The following TACR1 variants were observed in gnomAD, a reference collection of about 807,000 sequenced individuals.
TACR1 encodes substance-P receptor.
Under a neutral mutation model 35.8 loss-of-function variants are expected in TACR1, and 25 were observed. The ratio of observed to expected loss-of-function variants is 0.70; its 90% confidence interval spans 0.51 to 0.98. The LOEUF (loss-of-function observed/expected upper bound fraction) is 0.98. Among genes scored for constraint, TACR1 ranks in the 50% least tolerant of loss-of-function variants. The pLI is 0.00. For missense variants in TACR1, 478 were observed against 522.9 expected (o/e 0.91, Z 0.84); for synonymous variants, 195 against 206.7 (o/e 0.94, Z 0.48).
intron 2 of TACR1, among the ~76,000 whole-genome samples, chr2:75,107,145 A>G (rs1186049070): frequency 6.6e-6 from 1 of 151,996 alleles, no homozygotes; most frequent in Non-Finnish European, 1.5e-5. Context: ...GCAAAAAAGC[A>G]CTAAATAGAG....
intron 2 of TACR1, among the ~76,000 whole-genome samples, chr2:75,068,618 A>C (rs1672815261): frequency 6.6e-6 from 1 of 152,214 alleles, no homozygotes; most frequent in Admixed American, 6.5e-5. Context: ...AATTCTTTAC[A>C]TATATAACCT....
intron 1 of TACR1, chr2:75,188,740 GT>G (rs1401465211): frequency 1.3e-5 from 2 of 152,230 alleles, no homozygotes; most frequent in Non-Finnish European, 2.9e-5. Flanking sequence ...GTACTAGGTG[GT>G]TTTCAGGCTC....
At chr2:75,136,276 G>A (rs1674288074) in intron 1 of TACR1, among the ~76,000 whole-genome samples, 1 of 152,140 alleles carries the variant, frequency 6.6e-6, no homozygotes, top group Non-Finnish European at 1.5e-5. Flanking sequence ...GAAGTCCAAG[G>A]GGCTTGACCC....
intron 1 of TACR1, chr2:75,156,162 G>T (rs750146957): frequency 6.6e-6 from 1 of 152,136 alleles, no homozygotes; most frequent in Admixed American, 6.5e-5. Context: ...AATTATTGTG[G>T]TGGGTCCTCG....
At chr2:75,112,219 G>T (rs1673765745) in intron 2 of TACR1, among the ~76,000 whole-genome samples, 1 of 151,886 alleles carries the variant, frequency 6.6e-6, no homozygotes, top group Non-Finnish European at 1.5e-5. Context: ...TTTATTAAAT[G>T]ATTCTACCCC....
chr2:75,156,819 CTG>C (rs1674870956), intron 1 of TACR1, among the ~76,000 whole-genome samples: 1 of 152,204 alleles, frequency 6.6e-6, no homozygotes, highest in African/African-American at 2.4e-5. Context: ...CTGTTTCAAT[CTG>C]TCTTTCTACA....
chr2:75,093,569 G>T (rs965588006), intron 2 of TACR1, among the ~76,000 whole-genome samples: 1 of 152,144 alleles, frequency 6.6e-6, no homozygotes, highest in Non-Finnish European at 1.5e-5. Context: ...GGAGTCTGCA[G>T]CCCCTGAGCC....
At chr2:75,147,747 T>TTTC in intron 1 of TACR1, among the ~76,000 whole-genome samples, 1 of 42,974 alleles carries the variant, frequency 2.3e-5, no homozygotes, top group East Asian at 2.5e-4. Flanking sequence ...ATCTCATTCC[T>TTTC]TTTTTTTTTT....
intron 1 of TACR1, among the ~76,000 whole-genome samples, chr2:75,172,070 A>G (rs1318105097): frequency 6.6e-6 from 1 of 152,148 alleles, no homozygotes; most frequent in Non-Finnish European, 1.5e-5. Context: ...AGATATTTTG[A>G]TTGTTTTCTC....
At chr2:75,154,401 A>AGCGCGTGCGC (rs1674756565) in intron 1 of TACR1, 1 of 76,444 alleles carries the variant, frequency 1.3e-5, no homozygotes, top group Non-Finnish European at 2.7e-5. Context: ...ATCAGCCAAG[A>AGCGCGTGCGC]GCGCGCACGC....
At position 75,049,723 on chromosome 2, in the gene TACR1, C is replaced by G. The variant is rs770008587; in HGVS notation, c.933G>C (p.Arg311Ser). ...AGGCATGCTTGAAGCCCAGACGGAA[C>G]CTGGAGAGCGAGCAGATGAAGAGGT... is the stretch of plus-strand genomic sequence containing the variant. ...NPIIYCCLNDRFRLGFKHAFR... is the reference protein window; with the variant it reads ...NPIIYCCLNDSFRLGFKHAFR... Residue 311 changes from arginine (R) to serine (S), a missense_variant and splice_region_variant, in exon 5 of 5, where the codon AGG (arginine) becomes AGC (serine). Transcript: ENST00000305249. 1.2e-6 allele frequency: 2 copies of G among 1,611,338 alleles called. No individual in the cohort carries two copies. The highest frequency in any genetic ancestry group is 1.7e-6 in the Non-Finnish European group (2 of 1,178,284).
intron 2 of TACR1, among the ~76,000 whole-genome samples, chr2:75,115,073 T>C (rs925298390): frequency 7.6e-6 from 1 of 131,504 alleles, no homozygotes. Context: ...AGGAGGGGAT[T>C]TGTTAACATA....
At chr2:75,156,363 C>T (rs574539934) in intron 1 of TACR1, 175 of 151,710 alleles carry the variant, frequency 1.2e-3, no homozygotes, top group African/African-American at 4.0e-3. Flanking sequence ...TGCCTGTAAT[C>T]CCAGCACTTT....
chr2:75,112,978 T>G (rs914903168), intron 2 of TACR1, among the ~76,000 whole-genome samples: 2 of 152,178 alleles, frequency 1.3e-5, no homozygotes, highest in Admixed American at 1.3e-4. Flanking sequence ...GGAGTTGTCT[T>G]TGTTAGCTTT....
chr2:75,198,462 A>G, intron 1 of TACR1, 84 bp downstream of exon 1: 1 of 1,520,180 alleles, frequency 6.6e-7, no homozygotes. Context: ...CACTTGACCC[A>G]TACCCCACCC....
chr2:75,136,663 A>C (rs1281004998), intron 1 of TACR1, among the ~76,000 whole-genome samples: 1 of 152,210 alleles, frequency 6.6e-6, no homozygotes, highest in Non-Finnish European at 1.5e-5. Context: ...ACTCTCATCA[A>C]AAATGGTCAA....
chr2:75,158,756 C>T (rs183818595), intron 1 of TACR1, among the ~76,000 whole-genome samples: 6 of 152,232 alleles, frequency 3.9e-5, no homozygotes, highest in Admixed American at 2.6e-4. Flanking sequence ...GGAAGCAGAA[C>T]TGAAAAGAGA....
rs142282351 is a variant in TACR1 at position 75,106,534 on chromosome 2, C to G, written c.584+14040G>C. Among the ~76,000 whole-genome samples the G allele has an allele frequency of 5.4e-4, 82 of 152,048 alleles. No homozygotes were observed. The East Asian group carries it at 0.012, about 21-fold the overall frequency. The stretch of plus-strand genomic sequence containing the variant: ...GAGAATGCTGACATATATTGTAGAA[C>G]ACACAGGTTATAAACTCCAGGTTAT... On this transcript the variant is annotated intron_variant, in intron 2 of 4. Coordinates refer to ENST00000305249, the MANE Select transcript of TACR1 (RefSeq NM_001058.4).
chr2:75,155,856 A>G (rs1002217603), intron 1 of TACR1, among the ~76,000 whole-genome samples: 1 of 152,262 alleles, frequency 6.6e-6, no homozygotes, highest in Non-Finnish European at 1.5e-5. Flanking sequence ...TTTAGGATAT[A>G]TTCTATTATT....
Sources: gnomAD v4.1 joint callset for allele counts (sites outside exome capture counted in the v4.1 genomes callset) on GRCh38, gnomAD v4.1.1 for gene constraint, MANE v1.5 for transcripts, NCBI Gene and HGNC (gene_info 2026-07-23, HGNC 2026-07-21) for gene names.